The following FRMD4A variants were observed in gnomAD, a reference collection of about 807,000 sequenced individuals.
FRMD4A encodes FERM domain containing 4A, also known as FERM domain-containing protein 4A.
Under a neutral mutation model 129.1 loss-of-function variants are expected in FRMD4A, and 29 were observed. That is an observed-to-expected ratio of 0.22 (90% confidence interval 0.17 to 0.31). The LOEUF (loss-of-function observed/expected upper bound fraction) is 0.31, where lower values mean the gene tolerates loss of function less well. Ranked by LOEUF, FRMD4A falls within the 10% of genes least tolerant of loss-of-function variation. The pLI is 1.00. For synonymous variants in FRMD4A, 634 were observed against 571.6 expected, an observed-to-expected ratio of 1.11 and a Z score of -1.56; for missense variants, 1,272 against 1,375.8, an observed-to-expected ratio of 0.92 and a Z score of 1.19.
chr10:14,200,775 C>T (rs771583579), intron 2 of FRMD4A, among the ~76,000 whole-genome samples: 5 of 152,150 alleles, frequency 3.3e-5, no homozygotes, highest in Non-Finnish European at 4.4e-5. Context: ...CTTCCAGGCG[C>T]TTTTTTCCGG....
At chr10:13,854,048 G>C (rs2094179520) in intron 3 of FRMD4A, among the ~76,000 whole-genome samples, 1 of 151,994 alleles carries the variant, frequency 6.6e-6, no homozygotes, top group Admixed American at 6.5e-5. Context: ...CCACACCTCA[G>C]CCATTCCATT....
intron 2 of FRMD4A, among the ~76,000 whole-genome samples, chr10:13,895,605 T>C (rs1335747484): frequency 5.9e-5 from 9 of 152,136 alleles, no homozygotes; most frequent in Non-Finnish European, 1.3e-4. Context: ...GAATTTGAAA[T>C]ACTAACAGAA....
rs377427461 is a variant in FRMD4A, at chr10:13,891,780, C to T, written c.46-32868G>A. 3.4e-5 allele frequency: 33 copies of T among 974,734 alleles called. 1 individual carries two copies. The South Asian group carries it at 1.3e-3, about 38-fold the overall frequency. The allele number at this position is 974,734 out of a possible 1,614,324, so 60.4% of individuals were successfully genotyped here. On this transcript the variant is annotated intron_variant, in intron 2 of 24. Coordinates refer to ENST00000357447, the MANE Select transcript of FRMD4A (RefSeq NM_018027.5). ...CGAGCCCCCGCCCCGTCCCCGCCGC[C>T]GCCCCCGCCGCGGGCCCTCGGCGTC...
intron 5 of FRMD4A, among the ~76,000 whole-genome samples, chr10:13,795,775 A>G (rs183315226): frequency 4.1e-4 from 63 of 152,306 alleles, no homozygotes; most frequent in Admixed American, 9.2e-4. Context: ...TTTGCCACCA[A>G]TTCAGACTTT....
Position 14,039,486 on chromosome 10 carries a change from CTATCT to C in FRMD4A, c.46-180579_46-180575del, listed in dbSNP as rs1833692767. The stretch of plus-strand genomic sequence containing the variant: ...TCTATCTATCTATCTATCTATCTAT[CTATCT>C]ATCTATCTATCTATCTATCTATCTA... On this transcript the variant is annotated intron_variant, in intron 2 of 24. Transcript: ENST00000357447. 1.3e-5 allele frequency among the ~76,000 whole-genome samples: 2 copies of C among 151,074 alleles called. 1 individual carries two copies. The highest frequency in any genetic ancestry group is 4.2e-4 in the South Asian group (2 of 4,720).
chr10:14,074,661 C>T (rs1383523827), intron 2 of FRMD4A: 1 of 152,208 alleles, frequency 6.6e-6, no homozygotes, highest in Non-Finnish European at 1.5e-5. Context: ...AGCTCCTCCC[C>T]CTTACCATTT....
chr10:13,700,441 C>T (rs1018701582), intron 14 of FRMD4A, among the ~76,000 whole-genome samples: 2 of 152,324 alleles, frequency 1.3e-5, no homozygotes, highest in Admixed American at 6.5e-5. Flanking sequence ...AGAACTCACG[C>T]GATGGAGGGA....
intron 2 of FRMD4A, among the ~76,000 whole-genome samples, chr10:14,272,826 C>T (rs1845208451): frequency 2.0e-5 from 3 of 152,204 alleles, no homozygotes; most frequent in Admixed American, 2.0e-4. Context: ...TTCACTTTCT[C>T]AGATGTGTTT....
At chr10:14,234,699 C>T (rs1843743284) in intron 2 of FRMD4A, among the ~76,000 whole-genome samples, 1 of 151,604 alleles carries the variant, frequency 6.6e-6, no homozygotes, top group Non-Finnish European at 1.5e-5. Flanking sequence ...ACAGCGTAAG[C>T]TCGATGCTAA....
At chr10:14,311,809 G>T (rs1002416097) in intron 2 of FRMD4A, among the ~76,000 whole-genome samples, 1 of 152,048 alleles carries the variant, frequency 6.6e-6, no homozygotes, top group Non-Finnish European at 1.5e-5. Flanking sequence ...TTCCAAGCAT[G>T]AATAAACTAT....
chr10:13,875,430 A>G (rs2094478981), intron 2 of FRMD4A, among the ~76,000 whole-genome samples: 1 of 152,228 alleles, frequency 6.6e-6, no homozygotes. Context: ...GTAAAGGGAC[A>G]TAGCAGGCAT....
At position 13,693,908 on chromosome 10, in the gene FRMD4A, C is replaced by A. The variant is rs1248340874; in HGVS notation, c.1107G>T (p.Leu369=). The part of the protein sequence containing the change: ...GKIISGSSGS[L]LSSGSQESDS... ...CTGGCCTCTGCCTACCTGAAGACAG[C>A]AGGCTGCCGCTGCTGCCGCTGATGA... The change falls in exon 15 of 25, where the codon CTG becomes CTT. Residue 369 remains leucine, a synonymous_variant. Transcript: ENST00000357447. The A allele has an allele frequency of 3.1e-6, 5 of 1,608,244 alleles. No homozygotes were observed. The highest frequency in any genetic ancestry group is 3.3e-4 in the Middle Eastern group (2 of 6,024).
At chr10:13,983,457 C>A (rs1415260443) in intron 2 of FRMD4A, among the ~76,000 whole-genome samples, 2 of 151,910 alleles carry the variant, frequency 1.3e-5, no homozygotes, top group African/African-American at 4.8e-5. Flanking sequence ...GGACAATGAG[C>A]TTAGACTTGA....
intron 2 of FRMD4A, among the ~76,000 whole-genome samples, chr10:14,117,801 C>T (rs1838278789): frequency 6.6e-6 from 1 of 152,216 alleles, no homozygotes; most frequent in African/African-American, 2.4e-5. Context: ...CTTTTGCCTT[C>T]TTCTGGGTGA....
intron 13 of FRMD4A, among the ~76,000 whole-genome samples, chr10:13,706,323 CAAAG>C (rs1037656126): frequency 1.3e-5 from 2 of 151,782 alleles, no homozygotes; most frequent in Non-Finnish European, 2.9e-5. Flanking sequence ...CAGCGGCAGA[CAAAG>C]AGAGGAAAAC....
chr10:14,133,716 C>A lies in FRMD4A; in HGVS notation c.45+196342G>T, dbSNP rs76290142. ...TGTGTGGAGAGGGAGGAGTAATCAA[C>A]CTTCACTACCCTTTTTGTCTAGAAT... On this transcript the variant is annotated intron_variant, in intron 2 of 24. Coordinates refer to ENST00000357447, the MANE Select transcript of FRMD4A (RefSeq NM_018027.5). Among the ~76,000 whole-genome samples, 656 of 151,440 alleles carry A rather than the reference C, an allele frequency of 4.3e-3. 4 individuals carry two copies. Among genetic ancestry groups the A allele is most frequent in the Non-Finnish European group, 6.7e-3 (456 of 67,920 alleles).
intron 2 of FRMD4A, among the ~76,000 whole-genome samples, chr10:13,919,756 G>A (rs944676139): frequency 1.6e-4 from 25 of 152,040 alleles, no homozygotes; most frequent in African/African-American, 5.6e-4. Flanking sequence ...TGGCCAACAT[G>A]GTGAAACCCT....
At chr10:13,764,702 T>C (rs1340174026) in intron 6 of FRMD4A, among the ~76,000 whole-genome samples, 1 of 152,216 alleles carries the variant, frequency 6.6e-6, no homozygotes, top group Non-Finnish European at 1.5e-5. Flanking sequence ...ATTTAATTGA[T>C]ATCCTATGTC....
At chr10:13,713,991 A>ATG (rs2088398228) in intron 12 of FRMD4A, among the ~76,000 whole-genome samples, 1 of 96,526 alleles carries the variant, frequency 1.0e-5, no homozygotes, top group African/African-American at 3.8e-5. Flanking sequence ...ATATACATAT[A>ATG]TAATATACAT....
Sources: gnomAD v4.1 joint callset for allele counts (sites outside exome capture counted in the v4.1 genomes callset) on GRCh38, gnomAD v4.1.1 for gene constraint, MANE v1.5 for transcripts, NCBI Gene and HGNC (gene_info 2026-07-23, HGNC 2026-07-21) for gene names.